CDH13: variants seen among roughly 807,000 people sequenced by gnomAD.
CDH13 encodes cadherin-13.
Under a neutral mutation model 63.8 loss-of-function variants are expected in CDH13, and 24 were observed. That is an observed-to-expected ratio of 0.38 (90% CI 0.27 to 0.53). CDH13 has a LOEUF of 0.53. Ranked by LOEUF, CDH13 falls within the 20% of genes least tolerant of loss-of-function variation. The pLI is 0.85. For missense variants in CDH13, 1,049 were observed against 903.1 expected, an observed-to-expected ratio of 1.16 and a Z score of -2.07; for synonymous variants, 503 against 355.3, an observed-to-expected ratio of 1.42 and a Z score of -4.67.
chr16:82,914,995 C>T (rs1418047648), intron 2 of CDH13, among the ~76,000 whole-genome samples: 1 of 152,190 alleles, frequency 6.6e-6, no homozygotes, highest in African/African-American at 2.4e-5. Flanking sequence ...GAATGGAAGC[C>T]AGTGTTAAAT....
At chr16:83,097,560 T>C (rs796220387) in intron 3 of CDH13, among the ~76,000 whole-genome samples, 6 of 152,258 alleles carry the variant, frequency 3.9e-5, no homozygotes, top group African/African-American at 1.4e-4. Context: ...CAGTAATCAA[T>C]ATGGATGCCT....
chr16:83,574,121 T>C (rs1172946711), intron 7 of CDH13, among the ~76,000 whole-genome samples: 2 of 152,104 alleles, frequency 1.3e-5, no homozygotes, highest in Admixed American at 1.3e-4. Flanking sequence ...TGCAGCATTG[T>C]CATGAGGTTC....
At chr16:83,582,024 C>T (rs1270336110) in intron 7 of CDH13, among the ~76,000 whole-genome samples, 1 of 152,116 alleles carries the variant, frequency 6.6e-6, no homozygotes, top group East Asian at 1.9e-4. Flanking sequence ...TTGCCTGGTC[C>T]TGGGTGGGTG....
At chr16:82,707,955 T>C (rs779968245) in intron 1 of CDH13, among the ~76,000 whole-genome samples, 7 of 152,170 alleles carry the variant, frequency 4.6e-5, no homozygotes, top group Non-Finnish European at 8.8e-5. Flanking sequence ...CTTTATGTCA[T>C]GTTTTGGTCC....
At chr16:83,293,918 C>G (rs954300021) in intron 5 of CDH13, among the ~76,000 whole-genome samples, 2 of 152,132 alleles carry the variant, frequency 1.3e-5, no homozygotes, top group East Asian at 1.9e-4. Flanking sequence ...CATGTATTAT[C>G]TCATTTAACT....
At chr16:82,958,401 A>G (rs768471923) in intron 2 of CDH13, among the ~76,000 whole-genome samples, 2 of 152,146 alleles carry the variant, frequency 1.3e-5, no homozygotes, top group Non-Finnish European at 2.9e-5. Flanking sequence ...GGTGAAGAAA[A>G]ATTTAGAAGG....
Position 83,795,127 on chromosome 16 carries a change from A to T in CDH13, c.*97A>T. ...TGAAGATTGCGGTTTACAGCTATCG[A>T]ACTTCACAACTAGGCCTCAATTGTT... On this transcript the variant is annotated 3_prime_UTR_variant, in exon 14 of 14. Transcript: ENST00000567109. 1 of 970,414 alleles carries T rather than the reference A, an allele frequency of 1.0e-6. No individual in the cohort carries two copies. The highest frequency in any genetic ancestry group is 1.6e-6 in the Non-Finnish European group (1 of 643,840). 60.1% of individuals were successfully genotyped at this position (970,414 alleles called of 1,614,324 possible). A position where few individuals can be genotyped will look rare whatever the true frequency, so the allele number is the denominator to read the frequency against.
At chr16:83,590,070 A>G (rs778812673) in intron 7 of CDH13, among the ~76,000 whole-genome samples, 1 of 152,196 alleles carries the variant, frequency 6.6e-6, no homozygotes, top group Non-Finnish European at 1.5e-5. Context: ...TATAACACTG[A>G]GTGAGGAGAA....
chr16:83,544,336 C>G (rs1425146153), intron 7 of CDH13, among the ~76,000 whole-genome samples: 1 of 151,850 alleles, frequency 6.6e-6, no homozygotes, highest in South Asian at 2.1e-4. Context: ...CATTCAGATT[C>G]CTGCTCCAAC....
intron 11 of CDH13, among the ~76,000 whole-genome samples, chr16:83,768,558 A>C (rs1914552042): frequency 6.6e-6 from 1 of 152,206 alleles, no homozygotes; most frequent in Non-Finnish European, 1.5e-5. Context: ...CCACAGAGTA[A>C]AGTGAAAGCA....
intron 1 of CDH13, among the ~76,000 whole-genome samples, chr16:82,710,424 C>T (rs1482988627): frequency 1.2e-4 from 17 of 143,680 alleles, no homozygotes; most frequent in African/African-American, 1.8e-4. Context: ...CCCACCTACT[C>T]GGGAGGCTGA....
chr16:83,606,078 A>G (rs994507786), intron 8 of CDH13, among the ~76,000 whole-genome samples: 6 of 152,316 alleles, frequency 3.9e-5, no homozygotes, highest in Admixed American at 3.9e-4. Flanking sequence ...AACAGAGAGG[A>G]AAGATGGGGC....
chr16:83,107,445 T>G lies in CDH13; in HGVS notation c.367-17940T>G, dbSNP rs1213884869. ...TAAATTTTTGAGAAAAAAATCCACCTTGGAGATTGACACACTATCTTCCAG... is the reference window on the plus strand; with the variant it reads ...TAAATTTTTGAGAAAAAAATCCACCGTGGAGATTGACACACTATCTTCCAG... On this transcript the variant is annotated intron_variant, in intron 3 of 13. Coordinates refer to ENST00000567109, the MANE Select transcript of CDH13 (RefSeq NM_001257.5). 3.3e-5 allele frequency among the ~76,000 whole-genome samples: 5 copies of G among 152,230 alleles called. 1 individual carries two copies. In the East Asian group the frequency reaches 7.7e-4, roughly 23 times the overall value.
intron 7 of CDH13, among the ~76,000 whole-genome samples, chr16:83,590,411 A>G (rs1330418724): frequency 1.3e-5 from 2 of 152,164 alleles, no homozygotes; most frequent in East Asian, 3.9e-4. Context: ...GAATTGCTAC[A>G]GAGACTCCCA....
intron 6 of CDH13, among the ~76,000 whole-genome samples, chr16:83,465,874 G>A (rs978682794): frequency 2.6e-5 from 4 of 152,182 alleles, no homozygotes; most frequent in Admixed American, 6.5e-5. Flanking sequence ...TTTTGGCACC[G>A]TGAACTTGAA....
intron 3 of CDH13, among the ~76,000 whole-genome samples, chr16:83,050,848 C>G (rs1476827740): frequency 6.6e-6 from 1 of 152,132 alleles, no homozygotes; most frequent in Non-Finnish European, 1.5e-5. Context: ...CGGTTTCTTG[C>G]AGTGCCATCC....
rs541538824 is a variant in CDH13 at position 83,214,377 on chromosome 16, C to T, written c.484-2968C>T. On this transcript the variant is annotated intron_variant, in intron 4 of 13. Coordinates refer to ENST00000567109, the MANE Select transcript of CDH13 (RefSeq NM_001257.5). Reference sequence around the variant, plus strand: ...GGTGGATCACATCAGGTAAGGAGTTCGAGATTAGCGTGGCCAACATGGGGA... The same window carrying T: ...GGTGGATCACATCAGGTAAGGAGTTTGAGATTAGCGTGGCCAACATGGGGA... 5.9e-5 allele frequency among the ~76,000 whole-genome samples: 9 copies of T among 151,746 alleles called. No individual in the cohort carries two copies. In the South Asian group the frequency reaches 6.3e-4, roughly 11 times the overall value.
At chr16:82,982,150 A>T (rs916085353) in intron 2 of CDH13, among the ~76,000 whole-genome samples, 3 of 152,328 alleles carry the variant, frequency 2.0e-5, no homozygotes, top group Admixed American at 2.0e-4. Flanking sequence ...CCCAACTATA[A>T]AATGGAGATA....
intron 3 of CDH13, among the ~76,000 whole-genome samples, chr16:83,037,457 C>T (rs780630266): frequency 6.6e-6 from 1 of 152,090 alleles, no homozygotes; most frequent in Non-Finnish European, 1.5e-5. Context: ...GTTAGAGCAA[C>T]ATGGGAGCAA....
Sources: allele counts gnomAD v4.1 joint callset (sites outside exome capture counted in the v4.1 genomes callset), GRCh38; gene constraint gnomAD v4.1.1; transcripts MANE v1.5; gene names NCBI Gene and HGNC (gene_info 2026-07-23, HGNC 2026-07-21).